NSMCE1: variants seen among roughly 807,000 people sequenced by gnomAD.
The protein encoded by NSMCE1 is NSE1 component of SMC5/6 complex, also known as non-structural maintenance of chromosomes element 1 homolog.
NSMCE1 carries 18 observed loss-of-function variants against 29.6 expected under a neutral mutation model. The observed-to-expected ratio is 0.61, with a 90% CI of 0.42 to 0.90. The LOEUF (loss-of-function observed/expected upper bound fraction) is 0.90. Ranked by LOEUF, NSMCE1 falls within the 40% of genes least tolerant of loss-of-function variation. The pLI is 0.00. For missense variants in NSMCE1, 314 were observed against 343.6 expected, an observed-to-expected ratio of 0.91 and a Z score of 0.68; for synonymous variants, 124 against 133.4, an observed-to-expected ratio of 0.93 and a Z score of 0.49.
At chr16:27,233,966 G>A (rs1405464983) in intron 4 of NSMCE1, 4 of 540,574 alleles carry the variant, frequency 7.4e-6, no homozygotes, top group African/African-American at 5.8e-5. Context: ...CTCACACCTG[G>A]CCCAGCACTT....
chr16:27,225,674 C>T lies in NSMCE1; in HGVS notation c.721+52G>A, dbSNP rs181922277. ...TCCAAGGGCTTCCCTGGCACCAGGC[C>T]CCACGTCCTGCTGGCCCAGCCCCTC... On this transcript the variant is annotated intron_variant, in intron 7 of 7. Coordinates refer to ENST00000361439, the MANE Select transcript of NSMCE1 (RefSeq NM_145080.4). The T allele has an allele frequency of 7.9e-4, 1,263 of 1,608,728 alleles. 17 individuals are homozygous for T. The African/African-American group carries it at 0.015, about 19-fold the overall frequency.
chr16:27,248,013 T>C (rs973142631), intron 2 of NSMCE1, among the ~76,000 whole-genome samples: 1 of 152,190 alleles, frequency 6.6e-6, no homozygotes, highest in Non-Finnish European at 1.5e-5. Flanking sequence ...ATCATTCTGA[T>C]TCATTCATAT....
intron 1 of NSMCE1, 98 bp from the exon 2 acceptor site, chr16:27,257,679 T>C: frequency 8.2e-6 from 9 of 1,092,098 alleles, no homozygotes; most frequent in Non-Finnish European, 1.2e-5. Context: ...AAATTTGCTA[T>C]CATTTTTAAA....
chr16:27,266,877 T>C (rs1355515295), intron 1 of NSMCE1, among the ~76,000 whole-genome samples: 1 of 151,956 alleles, frequency 6.6e-6, no homozygotes, highest in Non-Finnish European at 1.5e-5. Context: ...TTTTTTTAAC[T>C]AAGCCCAGAA....
chr16:27,253,924 G>A (rs546275656), intron 2 of NSMCE1, among the ~76,000 whole-genome samples: 1 of 152,266 alleles, frequency 6.6e-6, no homozygotes, highest in Admixed American at 6.5e-5. Flanking sequence ...CAGGAGAATT[G>A]GGGACTTTGT....
In NSMCE1 at chr16:27,260,921, C is replaced by CT. The variant is rs953512023; in HGVS notation, c.-11-3341dup. The stretch of plus-strand genomic sequence containing the variant: ...GTGGCTCACACCTATAATCCTAGCA[C>CT]TTTGAGAGGCCAAGGCAGGTCAATC... On this transcript the variant is annotated intron_variant, in intron 1 of 7. Coordinates refer to ENST00000361439, the MANE Select transcript of NSMCE1 (RefSeq NM_145080.4). Among the ~76,000 whole-genome samples, 169 of 146,640 alleles carry CT rather than the reference C, an allele frequency of 1.2e-3. 1 individual carries two copies. Among genetic ancestry groups the CT allele is most frequent in the Non-Finnish European group, 2.1e-3 (139 of 67,104 alleles).
At chr16:27,257,629 C>A in intron 1 of NSMCE1, 48 bp from the exon 2 acceptor site, 1 of 1,503,990 alleles carries the variant, frequency 6.6e-7, no homozygotes, top group South Asian at 1.2e-5. Flanking sequence ...ACATCAGAAG[C>A]AACGTCCTGG....
intron 2 of NSMCE1, among the ~76,000 whole-genome samples, chr16:27,236,268 T>C (rs1210978559): frequency 1.3e-5 from 2 of 151,154 alleles, no homozygotes; most frequent in Non-Finnish European, 2.9e-5. Flanking sequence ...ATGGCCAGCG[T>C]TGTGTCCCTT....
chr16:27,254,149 T>C (rs4238952), intron 2 of NSMCE1, among the ~76,000 whole-genome samples: 9,544 of 152,262 alleles, frequency 0.063, 743 homozygotes, highest in African/African-American at 0.19. Context: ...AAATTAATAA[T>C]ATTGGGTCTT....
chr16:27,240,831 G>A (rs1053128831), intron 2 of NSMCE1, among the ~76,000 whole-genome samples: 8 of 152,136 alleles, frequency 5.3e-5, no homozygotes, highest in African/African-American at 1.9e-4. Context: ...ACAGTACTTT[G>A]GAAGGCCAAG....
intron 2 of NSMCE1, among the ~76,000 whole-genome samples, chr16:27,248,613 G>A (rs1005418329): frequency 6.6e-6 from 1 of 151,820 alleles, no homozygotes; most frequent in Non-Finnish European, 1.5e-5. Flanking sequence ...GTTTCACCCT[G>A]TTGGTCAGGA....
intron 2 of NSMCE1, among the ~76,000 whole-genome samples, chr16:27,235,907 G>C (rs2083818020): frequency 6.6e-6 from 1 of 152,238 alleles, no homozygotes; most frequent in Non-Finnish European, 1.5e-5. Context: ...GAGAGGCCCT[G>C]TCCTGGGCAC....
intron 2 of NSMCE1, among the ~76,000 whole-genome samples, chr16:27,253,503 T>G (rs1374046124): frequency 1.3e-5 from 2 of 152,228 alleles, no homozygotes; most frequent in Admixed American, 1.3e-4. Flanking sequence ...TTTTATACTT[T>G]GTCCATTTTT....
chr16:27,231,031 C>A (rs1045108892), intron 5 of NSMCE1, among the ~76,000 whole-genome samples: 7 of 152,240 alleles, frequency 4.6e-5, no homozygotes, highest in Non-Finnish European at 7.3e-5. Context: ...ATGTGCTAGG[C>A]ATGGTGCTCT....
At position 27,240,302 on chromosome 16, in the gene NSMCE1, T is replaced by G. The variant is rs544000735; in HGVS notation, c.137-5003A>C. Among the ~76,000 whole-genome samples the G allele has an allele frequency of 2.9e-3, 449 of 152,256 alleles. 3 individuals are homozygous for G. Among genetic ancestry groups the G allele is most frequent in the Non-Finnish European group, 5.1e-3 (344 of 68,006 alleles). ...GATGGAAGGCATCTGGGCACCTGAT[T>G]AGGACACCAGAGGTGGTACCCAAAG... On this transcript the variant is annotated intron_variant, in intron 2 of 7. Coordinates refer to ENST00000361439, the MANE Select transcript of NSMCE1 (RefSeq NM_145080.4).
At chr16:27,252,115 C>G (rs1464175076) in intron 2 of NSMCE1, among the ~76,000 whole-genome samples, 1 of 152,164 alleles carries the variant, frequency 6.6e-6, no homozygotes, top group South Asian at 2.1e-4. Flanking sequence ...GTTCCTGGTA[C>G]AGAACTTCTA....
intron 1 of NSMCE1, among the ~76,000 whole-genome samples, chr16:27,265,212 G>C (rs2084210068): frequency 7.8e-6 from 1 of 128,148 alleles, no homozygotes; most frequent in South Asian, 2.5e-4. Context: ...CTGTTGCCCA[G>C]GCTGGAATGA....
chr16:27,228,290 G>A (rs1467941771), intron 5 of NSMCE1, among the ~76,000 whole-genome samples: 2 of 152,132 alleles, frequency 1.3e-5, no homozygotes, highest in South Asian at 2.1e-4. Flanking sequence ...ACAGTGGAGG[G>A]AGGCCGGGGC....
chr16:27,226,585 C>T lies in NSMCE1; in HGVS notation c.600+135G>A, dbSNP rs568256025. The T allele has an allele frequency of 8.3e-4, 514 of 622,776 alleles. 4 individuals carry two copies. The highest frequency in any genetic ancestry group is 1.7e-3 in the Middle Eastern group (4 of 2,316). 38.6% of individuals were successfully genotyped at this position (622,776 alleles called of 1,614,324 possible). ...CTGACACGTCCTGGGAGATGGCCTC[C>T]GCCAGCTCTTGTGGGAGGATGCGCC... On this transcript the variant is annotated intron_variant, in intron 6 of 7. Coordinates refer to ENST00000361439, the MANE Select transcript of NSMCE1 (RefSeq NM_145080.4).
Sources: allele counts gnomAD v4.1 joint callset (sites outside exome capture counted in the v4.1 genomes callset), GRCh38; gene constraint gnomAD v4.1.1; transcripts MANE v1.5; gene names NCBI Gene and HGNC (gene_info 2026-07-23, HGNC 2026-07-21).